GALNT11: variants seen among roughly 807,000 people sequenced by gnomAD.
The protein encoded by GALNT11 is UDP-GalNAc:polypeptide N-acetylgalactosaminyltransferase 11.
A neutral mutation model predicts 72.7 loss-of-function variants in GALNT11; 47 were observed. The ratio of observed to expected loss-of-function variants is 0.65; its 90% CI spans 0.51 to 0.82. The LOEUF (loss-of-function observed/expected upper bound fraction) is 0.82. Ranked by LOEUF, GALNT11 falls within the 40% of genes least tolerant of loss-of-function variation. The pLI, the probability that GALNT11 is intolerant of heterozygous loss-of-function variation, is 0.00. For missense variants in GALNT11, 677 were observed against 778.4 expected (o/e 0.87, Z 1.55); for synonymous variants, 270 against 286.6 (o/e 0.94, Z 0.58).
At chr7:152,074,800 A>G (rs2084854605) in intron 1 of GALNT11, among the ~76,000 whole-genome samples, 1 of 152,066 alleles carries the variant, frequency 6.6e-6, no homozygotes, top group Admixed American at 6.5e-5. Context: ...CCTGTTATCT[A>G]TTCCTGCCCT....
intron 1 of GALNT11, among the ~76,000 whole-genome samples, chr7:152,081,849 T>C (rs1408616543): frequency 1.3e-5 from 2 of 152,210 alleles, no homozygotes; most frequent in African/African-American, 2.4e-5. Context: ...GCATCCTATA[T>C]ATACTTTTCT....
rs35184548 is a variant in GALNT11, at chr7:152,111,651, TA to T, written c.1080+1009del. ...GTGTATATATATATATATATTTTTT[TA>T]AATTATAAAAGTATTGTTGTAATGA... is the stretch of plus-strand genomic sequence containing the variant. On this transcript the variant is annotated intron_variant, in intron 7 of 11. Transcript: ENST00000430044. 3.7e-3 allele frequency among the ~76,000 whole-genome samples: 524 copies of T among 143,132 alleles called. 3 individuals are homozygous for T. The highest frequency in any genetic ancestry group is 5.0e-3 in the African/African-American group (165 of 33,328). The allele number at this position is 143,132 out of a possible 152,430, so 93.9% of individuals were successfully genotyped here. A position where few individuals can be genotyped will look rare whatever the true frequency, so the allele number is the denominator to read the frequency against.
intron 10 of GALNT11, 90 bp from the exon 11 acceptor site, chr7:152,120,741 C>A: frequency 8.6e-7 from 1 of 1,162,506 alleles, no homozygotes; most frequent in Non-Finnish European, 1.3e-6. Context: ...TGCTTTGAGA[C>A]CTTACAGAAT....
Position 152,103,498 on chromosome 7 carries a change from G to A in GALNT11, c.586+220G>A, listed in dbSNP as rs1411558814. 6.8e-6 allele frequency: 3 copies of A among 443,626 alleles called. No homozygotes were observed. In the South Asian group the frequency reaches 1.5e-4, roughly 23 times the overall value. The allele number at this position is 443,626 out of a possible 1,614,324, so 27.5% of individuals were successfully genotyped here. A position where few individuals can be genotyped will look rare whatever the true frequency, so the allele number is the denominator to read the frequency against. On this transcript the variant is annotated intron_variant, in intron 4 of 11. Transcript: ENST00000430044. ...ATTTGGGCCGTGAAATTTTTTCCGT[G>A]GCTTACTTTAAAAAACACACCTCTT...
chr7:152,061,172 G>GGT (rs1211152045), intron 1 of GALNT11, among the ~76,000 whole-genome samples: 1 of 152,168 alleles, frequency 6.6e-6, no homozygotes, highest in East Asian at 1.9e-4. Flanking sequence ...CATTCTAATT[G>GGT]GTGTGAGATG....
At chr7:152,112,883 TAAAAG>T (rs1354481430) in intron 7 of GALNT11, among the ~76,000 whole-genome samples, 8 of 152,002 alleles carry the variant, frequency 5.3e-5, no homozygotes, top group Non-Finnish European at 8.8e-5. Flanking sequence ...AAGCACTTCT[TAAAAG>T]AAAATAAATA....
At chr7:152,121,354 C>T (rs1267776684) in intron 11 of GALNT11, among the ~76,000 whole-genome samples, 192 bp from the exon 12 acceptor site, 1 of 152,202 alleles carries the variant, frequency 6.6e-6, no homozygotes, top group East Asian at 1.9e-4. Context: ...TACTATAATA[C>T]AAATTGTGAT....
In GALNT11 at chr7:152,055,624, A is replaced by G. The variant is rs10257582; in HGVS notation, c.-39+29740A>G. Among the ~76,000 whole-genome samples the G allele has an allele frequency of 7.1e-3, 1,061 of 150,478 alleles. 11 individuals carry two copies. Among genetic ancestry groups the G allele is most frequent in the African/African-American group, 0.025 (1,023 of 40,918 alleles). On this transcript the variant is annotated intron_variant, in intron 1 of 11. Transcript: ENST00000430044. Reference sequence around the variant, plus strand: ...TACCAGGTATTTGGTACTTTTTGTTAAGAGGATACTTTTTAAATTAAATAT... The same window carrying G: ...TACCAGGTATTTGGTACTTTTTGTTGAGAGGATACTTTTTAAATTAAATAT...
chr7:152,091,037 GTTT>G (rs1362029283), intron 1 of GALNT11, among the ~76,000 whole-genome samples: 15 of 151,728 alleles, frequency 9.9e-5, no homozygotes, highest in African/African-American at 3.6e-4. Context: ...TGGAGAGGGA[GTTT>G]TTGTTGTTGT....
At position 152,121,742 on chromosome 7, in the gene GALNT11, T is replaced by C. The variant is rs2089451194; in HGVS notation, c.*65T>C. The C allele has an allele frequency of 1.3e-6, 2 of 1,567,424 alleles. No individual in the cohort carries two copies. Among genetic ancestry groups the C allele is most frequent in the African/African-American group, 1.4e-5 (1 of 73,608 alleles). On this transcript the variant is annotated 3_prime_UTR_variant, in exon 12 of 12. Coordinates refer to ENST00000430044, the MANE Select transcript of GALNT11 (RefSeq NM_022087.4). ...GCCTCCGGTGTGGAGTTTGGGGCTT[T>C]AGGAAAGCCTGGGTTGGGTGGAGCA...
chr7:152,043,010 T>A (rs1368368828), intron 1 of GALNT11, among the ~76,000 whole-genome samples: 1 of 152,208 alleles, frequency 6.6e-6, no homozygotes, highest in Non-Finnish European at 1.5e-5. Flanking sequence ...GTAGGATATT[T>A]ATCAGTAATT....
chr7:152,112,824 G>A (rs1400497764), intron 7 of GALNT11, among the ~76,000 whole-genome samples: 1 of 151,908 alleles, frequency 6.6e-6, no homozygotes, highest in African/African-American at 2.4e-5. Context: ...AAAAGAATAT[G>A]CATTGTATAA....
intron 11 of GALNT11, 136 bp downstream of exon 11, chr7:152,121,104 A>G: frequency 1.0e-6 from 1 of 972,202 alleles, no homozygotes; most frequent in Non-Finnish European, 1.5e-6. Context: ...CCCAGAAACC[A>G]CAGGTAGTAC....
intron 1 of GALNT11, among the ~76,000 whole-genome samples, chr7:152,036,745 C>T (rs554904073): frequency 1.1e-4 from 17 of 152,306 alleles, no homozygotes; most frequent in African/African-American, 3.4e-4. Flanking sequence ...TCCTCACCAT[C>T]ATTCATTATT....
At chr7:152,054,503 C>CTTTTTTTTTTTT (rs1037895401) in intron 1 of GALNT11, among the ~76,000 whole-genome samples, 1 of 72,106 alleles carries the variant, frequency 1.4e-5, no homozygotes, top group African/African-American at 5.1e-5. Flanking sequence ...TTTTTCTTGT[C>CTTTTTTTTTTTT]TTTTTTTTTT....
At chr7:152,072,291 G>A (rs2084696831) in intron 1 of GALNT11, among the ~76,000 whole-genome samples, 1 of 149,816 alleles carries the variant, frequency 6.7e-6, no homozygotes, top group Admixed American at 6.7e-5. Flanking sequence ...TTCCAGCCTA[G>A]GTGACAGAGT....
chr7:152,105,464 A>T (rs1186855391), intron 5 of GALNT11, 94 bp downstream of exon 5: 1 of 1,502,740 alleles, frequency 6.7e-7, no homozygotes. Context: ...TATGAAGAGT[A>T]GTGTTTCAAA....
chr7:152,097,743 A>G (rs763252516), intron 2 of GALNT11, among the ~76,000 whole-genome samples: 22 of 152,250 alleles, frequency 1.4e-4, no homozygotes, highest in Non-Finnish European at 2.4e-4. Context: ...GAAAGAAGCC[A>G]CACACAAAAG....
intron 1 of GALNT11, among the ~76,000 whole-genome samples, chr7:152,031,662 C>G (rs151076705): frequency 6.6e-6 from 1 of 152,168 alleles, no homozygotes; most frequent in African/African-American, 2.4e-5. Context: ...TTGTCAGACA[C>G]GAGTCTGAGT....
Sources: gnomAD v4.1 joint callset for allele counts (sites outside exome capture counted in the v4.1 genomes callset) on GRCh38, gnomAD v4.1.1 for gene constraint, MANE v1.5 for transcripts, NCBI Gene and HGNC (gene_info 2026-07-23, HGNC 2026-07-21) for gene names.